Variants in CTNNA3 observed in about 807,000 individuals in gnomAD.
CTNNA3 encodes the protein catenin alpha-3.
In CTNNA3, 76 loss-of-function variants were observed where a neutral mutation model predicts 95.7. The observed-to-expected ratio is 0.79, with a 90% CI of 0.66 to 0.96. The LOEUF (loss-of-function observed/expected upper bound fraction) is 0.96. Among genes scored for constraint, CTNNA3 ranks in the 40% least tolerant of loss-of-function variants. The pLI is 0.00. For synonymous variants in CTNNA3, 431 were observed against 374.4 expected (o/e 1.15, Z -1.74); for missense variants, 1,191 against 1,089.8 (o/e 1.09, Z -1.31).
At chr10:67,408,854 T>C (rs1845245732) in intron 5 of CTNNA3, among the ~76,000 whole-genome samples, 1 of 105,230 alleles carries the variant, frequency 9.5e-6, no homozygotes, top group Non-Finnish European at 1.8e-5. Flanking sequence ...AGGTCTAATA[T>C]CCAGCATTTA....
chr10:67,168,799 A>C, intron 7 of CTNNA3, among the ~76,000 whole-genome samples: 1 of 152,238 alleles, frequency 6.6e-6, no homozygotes, highest in African/African-American at 2.4e-5. Flanking sequence ...CGCAAGAGAA[A>C]GAAATAAAGG....
intron 7 of CTNNA3, among the ~76,000 whole-genome samples, chr10:66,845,713 A>ATAAATAAATAAATAAATAAAT (rs1380021748): frequency 8.1e-6 from 1 of 123,364 alleles, no homozygotes; most frequent in Non-Finnish European, 1.7e-5. Context: ...CAAAAAAAAA[A>ATAAATAAATAAATAAATAAAT]AAAAAAAAAA....
At chr10:66,592,809 C>G (rs893354031) in intron 10 of CTNNA3, among the ~76,000 whole-genome samples, 1 of 152,048 alleles carries the variant, frequency 6.6e-6, no homozygotes, top group South Asian at 2.1e-4. Flanking sequence ...TGGGAGACAC[C>G]AAAGTGTCTG....
rs368970351 is a variant in CTNNA3, at chr10:67,324,301, T to C, written c.580-104431A>G. Among the ~76,000 whole-genome samples the C allele has an allele frequency of 2.2e-4, 33 of 152,292 alleles. No homozygotes were observed. The East Asian group carries it at 2.5e-3, about 12-fold the overall frequency. ...GGTGAGAGAAGGCATCCTTGTCTTG[T>C]GCTGGTTTTCAATGGGAAATACTAG... On this transcript the variant is annotated intron_variant, in intron 5 of 17. Coordinates refer to ENST00000433211, the MANE Select transcript of CTNNA3 (RefSeq NM_013266.4).
chr10:67,404,585 G>A (rs1402785697), intron 5 of CTNNA3, among the ~76,000 whole-genome samples: 1 of 152,028 alleles, frequency 6.6e-6, no homozygotes, highest in Non-Finnish European at 1.5e-5. Flanking sequence ...TGACTGATTG[G>A]GGTACCTGAA....
chr10:66,380,691 A>T lies in CTNNA3; in HGVS notation c.1532-1339T>A, dbSNP rs542677747. ...ATTTAAATGTATTTATAAACATAAC[A>T]TTATTTAATCATATATGTATTCATA... On this transcript the variant is annotated intron_variant, in intron 11 of 17. Transcript: ENST00000433211. Among the ~76,000 whole-genome samples the T allele has an allele frequency of 7.0e-4, 105 of 150,756 alleles. 1 individual carries two copies. The highest frequency in any genetic ancestry group is 2.5e-3 in the African/African-American group (102 of 41,230).
At chr10:67,162,432 G>A (rs747633289) in intron 7 of CTNNA3, among the ~76,000 whole-genome samples, 2 of 151,834 alleles carry the variant, frequency 1.3e-5, no homozygotes, top group Non-Finnish European at 2.9e-5. Flanking sequence ...GTCACAAAGA[G>A]TGTGTTCTCT....
chr10:65,920,638 A>G (rs2077070026), intron 17 of CTNNA3, 21 bp from the exon 18 acceptor site: 2 of 1,599,314 alleles, frequency 1.3e-6, no homozygotes, highest in Admixed American at 1.7e-5. Context: ...AAAAGAGAAA[A>G]AAGAGCTATT....
At chr10:67,696,700 A>C (rs576836571), upstream of CTNNA3, among the ~76,000 whole-genome samples, 9 of 144,610 alleles carry the variant, frequency 6.2e-5, no homozygotes, top group African/African-American at 2.4e-4. Flanking sequence ...ACCCATTATT[A>C]AATTTAAGCC....
intron 17 of CTNNA3, 67 bp from the exon 18 acceptor site, chr10:65,920,684 G>C: frequency 6.6e-7 from 1 of 1,512,470 alleles, no homozygotes; most frequent in South Asian, 1.2e-5. Context: ...GCCAAGCGTG[G>C]GCATGGTGGC....
chr10:67,074,831 T>C (rs1286690770), intron 7 of CTNNA3, among the ~76,000 whole-genome samples: 2 of 152,168 alleles, frequency 1.3e-5, no homozygotes, highest in Non-Finnish European at 2.9e-5. Context: ...TGTATGTATG[T>C]ATATTATGAA....
intron 13 of CTNNA3, among the ~76,000 whole-genome samples, chr10:66,189,494 G>A (rs1388394276): frequency 6.6e-6 from 1 of 151,312 alleles, no homozygotes; most frequent in Non-Finnish European, 1.5e-5. Context: ...TGTTGAAAAT[G>A]AGTTGGCTAC....
intron 6 of CTNNA3, among the ~76,000 whole-genome samples, chr10:67,183,612 C>T (rs1862690109): frequency 6.6e-6 from 1 of 151,814 alleles, no homozygotes; most frequent in East Asian, 1.9e-4. Context: ...ATGGGTGCAG[C>T]ACACCAACAT....
chr10:66,000,618 A>C (rs917795780), intron 15 of CTNNA3, among the ~76,000 whole-genome samples: 57 of 152,158 alleles, frequency 3.7e-4, no homozygotes, highest in African/African-American at 1.3e-3. Flanking sequence ...TATATAGAAT[A>C]AGTCCCATAA....
chr10:67,638,989 A>G (rs372846576), intron 2 of CTNNA3, among the ~76,000 whole-genome samples: 5 of 152,036 alleles, frequency 3.3e-5, no homozygotes, highest in Admixed American at 2.6e-4. Flanking sequence ...GCTAGCAGAA[A>G]GCAAGAAATA....
chr10:66,377,718 A>G (rs1046569270), intron 12 of CTNNA3, among the ~76,000 whole-genome samples: 3 of 151,374 alleles, frequency 2.0e-5, no homozygotes, highest in Non-Finnish European at 4.4e-5. Context: ...GTAGAAAAAA[A>G]TCAGGGACAC....
chr10:67,080,120 C>A (rs1229163097), intron 7 of CTNNA3, among the ~76,000 whole-genome samples: 11 of 152,156 alleles, frequency 7.2e-5, no homozygotes. Flanking sequence ...GAAGGGGTGA[C>A]AGCCCCAAGT....
At chr10:66,085,844 C>G (rs1471801163) in intron 14 of CTNNA3, among the ~76,000 whole-genome samples, 1 of 79,068 alleles carries the variant, frequency 1.3e-5, no homozygotes, top group Non-Finnish European at 2.9e-5. Flanking sequence ...AATTCAATCC[C>G]TTTTTATGTA....
chr10:66,412,408 A>G (rs1190993597), intron 11 of CTNNA3, among the ~76,000 whole-genome samples: 1 of 152,074 alleles, frequency 6.6e-6, no homozygotes, highest in Non-Finnish European at 1.5e-5. Context: ...AGCTGCACAG[A>G]AAGATAGCTT....
Sources: gnomAD v4.1 joint callset for allele counts (sites outside exome capture counted in the v4.1 genomes callset) on GRCh38, gnomAD v4.1.1 for gene constraint, MANE v1.5 for transcripts, NCBI Gene and HGNC (gene_info 2026-07-23, HGNC 2026-07-21) for gene names.